Variants in KCNQ1 observed in about 807,000 individuals in gnomAD.
The protein encoded by KCNQ1 is potassium voltage-gated channel subfamily KQT member 1.
A neutral mutation model predicts 72.4 loss-of-function variants in KCNQ1; 49 were observed. That is an observed-to-expected ratio of 0.68 (90% confidence interval 0.54 to 0.86). The LOEUF is 0.86. KCNQ1 is among the 40% of genes least tolerant of loss of function. The probability of loss-of-function intolerance (pLI) is 0.00; values close to 1 mark genes in which losing one functional copy is unlikely to be tolerated. For missense variants in KCNQ1, 790 were observed against 945.1 expected (o/e 0.84, Z 2.15); for synonymous variants, 450 against 412.6 (o/e 1.09, Z -1.10).
chr11:2,663,141 G>GC lies in KCNQ1; in HGVS notation c.1514+1063dup, dbSNP rs1371854497. On this transcript the variant is annotated intron_variant, in intron 11 of 15. Transcript: ENST00000155840. The surrounding 1 kb of genome is among the most constrained non-coding windows in gnomAD (Gnocchi z 5.2). Reference sequence around the variant, plus strand: ...GGGTAATTATGATCAGACAGGACCTGCCCACTGTCTTTCCAGGCCCCCCCA... The same window carrying GC: ...GGGTAATTATGATCAGACAGGACCTGCCCCACTGTCTTTCCAGGCCCCCCCA... The GC allele has an allele frequency of 2.5e-6, 1 of 398,606 alleles. No individual in the cohort carries two copies. Among genetic ancestry groups the GC allele is most frequent in the Admixed American group, 4.4e-5 (1 of 22,718 alleles). 24.7% of individuals were successfully genotyped at this position (398,606 alleles called of 1,614,324 possible).
intron 1 of KCNQ1, among the ~76,000 whole-genome samples, chr11:2,452,949 C>T (rs140432099): frequency 1.9e-4 from 29 of 152,322 alleles, no homozygotes; most frequent in Non-Finnish European, 3.5e-4. Context: ...GATAGACTCC[C>T]AGTGGGTCAG....
At chr11:2,688,313 C>T (rs1850527092) in intron 11 of KCNQ1, 1 of 398,620 alleles carries the variant, frequency 2.5e-6, no homozygotes, top group African/African-American at 2.1e-5. Flanking sequence ...AAAATCTAAG[C>T]ACGTCACACA....
intron 12 of KCNQ1, 108 bp from the exon 13 acceptor site, chr11:2,775,852 C>T: frequency 9.4e-7 from 1 of 1,068,678 alleles, no homozygotes. Flanking sequence ...AGGCGAGCTC[C>T]CAGGTCTTCA....
At position 2,509,492 on chromosome 11, in the gene KCNQ1, G is replaced by A. The variant is rs1847159325; in HGVS notation, c.387-18436G>A. 6.6e-6 allele frequency among the ~76,000 whole-genome samples: 1 copy of A among 152,146 alleles called. No homozygotes were observed. Among genetic ancestry groups the A allele is most frequent in the Non-Finnish European group, 1.5e-5 (1 of 68,022 alleles). ...GTGTCCTAGGAGGAGTCTCTGTCCT[G>A]AGCAGAGACAGAGGAAGGCAGGGCA... On this transcript the variant is annotated intron_variant, in intron 1 of 15. Coordinates refer to ENST00000155840, the MANE Select transcript of KCNQ1 (RefSeq NM_000218.3). This position sits in a 1 kb window ranked among gnomAD's most constrained non-coding sequence, Gnocchi z 6.3.
chr11:2,769,540 C>A lies in KCNQ1; in HGVS notation c.1590+621C>A, dbSNP rs1365021551. 6.6e-6 allele frequency among the ~76,000 whole-genome samples: 1 copy of A among 152,224 alleles called. No individual in the cohort carries two copies. Among genetic ancestry groups the A allele is most frequent in the African/African-American group, 2.4e-5 (1 of 41,458 alleles). ...AGAAGCCCCTTAGAGCCCCCAGAGT[C>A]CATGCCCCGCAGAGAATGCCATTGA... On this transcript the variant is annotated intron_variant, in intron 12 of 15. Transcript: ENST00000155840. The surrounding 1 kb of genome is among the most constrained non-coding windows in gnomAD (Gnocchi z 4.6).
intron 15 of KCNQ1, among the ~76,000 whole-genome samples, chr11:2,845,830 G>A (rs756741901): frequency 5.3e-5 from 8 of 152,068 alleles, no homozygotes; most frequent in African/African-American, 1.9e-4. Context: ...ACAGACGCTC[G>A]GCCCCACTCA....
chr11:2,698,299 C>A lies in KCNQ1; in HGVS notation c.1514+36218C>A. 2.5e-6 allele frequency: 1 copy of A among 398,650 alleles called. No individual in the cohort carries two copies. The highest frequency in any genetic ancestry group is 4.4e-6 in the Non-Finnish European group (1 of 226,072). 24.7% of individuals were successfully genotyped at this position (398,650 alleles called of 1,614,324 possible). On this transcript the variant is annotated intron_variant, in intron 11 of 15. Transcript: ENST00000155840. The surrounding 1 kb of genome is among the most constrained non-coding windows in gnomAD (Gnocchi z 5.1). The stretch of plus-strand genomic sequence containing the variant: ...AACTATTCTACCTGGATGAATTATT[C>A]TCTTTCATAACCAGAACAGTGCTGT...
chr11:2,838,140 C>T (rs1421202535), intron 15 of KCNQ1, among the ~76,000 whole-genome samples: 1 of 152,228 alleles, frequency 6.6e-6, no homozygotes, highest in Non-Finnish European at 1.5e-5. Context: ...AGGGGACCTA[C>T]TTCTGAGAAG....
In KCNQ1 at chr11:2,473,733, C is replaced by T. The variant is rs1846526978; in HGVS notation, c.386+28249C>T. On this transcript the variant is annotated intron_variant, in intron 1 of 15. Coordinates refer to ENST00000155840, the MANE Select transcript of KCNQ1 (RefSeq NM_000218.3). The surrounding 1 kb of genome is among the most constrained non-coding windows in gnomAD (Gnocchi z 6.0). The stretch of plus-strand genomic sequence containing the variant: ...GAGCCAGGGCAGGTCCTGGAGATGG[C>T]AGCCTGCAGGTTGAAGCCCCCGACA... 6.6e-6 allele frequency among the ~76,000 whole-genome samples: 1 copy of T among 152,206 alleles called. No individual in the cohort carries two copies. The highest frequency in any genetic ancestry group is 3.2e-3 in the Middle Eastern group (1 of 316).
At chr11:2,629,485 C>G (rs940220979) in intron 10 of KCNQ1, 4 of 398,264 alleles carry the variant, frequency 1.0e-5, no homozygotes, top group African/African-American at 6.2e-5. Flanking sequence ...GGTCTGTGGT[C>G]CACTTTGAGT....
chr11:2,519,414 A>G (rs1847342352), intron 1 of KCNQ1, among the ~76,000 whole-genome samples: 1 of 152,230 alleles, frequency 6.6e-6, no homozygotes, highest in Non-Finnish European at 1.5e-5. Context: ...TGAGAGGATG[A>G]AAAGGAAACT....
intron 15 of KCNQ1, among the ~76,000 whole-genome samples, chr11:2,786,127 T>C (rs1190384026): frequency 6.6e-6 from 1 of 152,188 alleles, no homozygotes; most frequent in African/African-American, 2.4e-5. Context: ...ATTTAAATTT[T>C]CTTCAGTGAA....
Position 2,813,862 on chromosome 11 carries a change from G to A in KCNQ1, c.1795-33905G>A, listed in dbSNP as rs1053944385. Among the ~76,000 whole-genome samples the A allele has an allele frequency of 2.6e-5, 4 of 152,144 alleles. No homozygotes were observed. Among genetic ancestry groups the A allele is most frequent in the African/African-American group, 9.7e-5 (4 of 41,422 alleles). ...GTAGGTAGATGGACGGGGAGCTGCA[G>A]GGAGGGAGGGTTGCAGAAAGGGATG... On this transcript the variant is annotated intron_variant, in intron 15 of 15. Transcript: ENST00000155840. This position sits in a 1 kb window ranked among gnomAD's most constrained non-coding sequence, Gnocchi z 4.4.
chr11:2,791,928 A>G lies in KCNQ1; in HGVS notation c.1794+13891A>G, dbSNP rs535636329. Among the ~76,000 whole-genome samples, 5 of 152,256 alleles carry G rather than the reference A, an allele frequency of 3.3e-5. No homozygotes were observed. In the East Asian group the frequency reaches 9.7e-4, roughly 29 times the overall value. Reference sequence around the variant, plus strand: ...CCGTCCCTGCACGGAGCCGGTGTTTACTTTGCCGCGCGAACAGCCTTTCGT... The same window carrying G: ...CCGTCCCTGCACGGAGCCGGTGTTTGCTTTGCCGCGCGAACAGCCTTTCGT... On this transcript the variant is annotated intron_variant, in intron 15 of 15. Transcript: ENST00000155840.
rs1008801294 is a variant in KCNQ1, at chr11:2,830,878, G to A, written c.1795-16889G>A. On this transcript the variant is annotated intron_variant, in intron 15 of 15. Transcript: ENST00000155840. The surrounding 1 kb of genome is among the most constrained non-coding windows in gnomAD (Gnocchi z 7.7). ...TCTCTAGGCCTCAGCTTTCCTGTCAGGAAAATGCAGGGTTAGGAGCTGACC... is the reference window on the plus strand; with the variant it reads ...TCTCTAGGCCTCAGCTTTCCTGTCAAGAAAATGCAGGGTTAGGAGCTGACC... 2.0e-5 allele frequency among the ~76,000 whole-genome samples: 3 copies of A among 152,194 alleles called. No individual in the cohort carries two copies. Among genetic ancestry groups the A allele is most frequent in the Non-Finnish European group, 4.4e-5 (3 of 68,014 alleles).
Position 2,663,807 on chromosome 11 carries a change from G to T in KCNQ1, c.1514+1726G>T, listed in dbSNP as rs1850012878. ...TGCCCAGTAAATCACCACTATGGGGGTGAGGGCTGCCAGTGCTGGTATCAG... is the reference window on the plus strand; with the variant it reads ...TGCCCAGTAAATCACCACTATGGGGTTGAGGGCTGCCAGTGCTGGTATCAG... On this transcript the variant is annotated intron_variant, in intron 11 of 15. Transcript: ENST00000155840. The surrounding 1 kb of genome is among the most constrained non-coding windows in gnomAD (Gnocchi z 5.2). The T allele has an allele frequency of 2.0e-5, 8 of 398,706 alleles. No homozygotes were observed. The highest frequency in any genetic ancestry group is 1.4e-4 in the East Asian group (4 of 28,078). The allele number at this position is 398,706 out of a possible 1,614,324, so 24.7% of individuals were successfully genotyped here.
chr11:2,537,076 A>T lies in KCNQ1; in HGVS notation c.477+9058A>T, dbSNP rs578074569. 6.6e-6 allele frequency among the ~76,000 whole-genome samples: 1 copy of T among 151,974 alleles called. No individual in the cohort carries two copies. The highest frequency in any genetic ancestry group is 2.4e-5 in the African/African-American group (1 of 41,368). On this transcript the variant is annotated intron_variant, in intron 2 of 15. Coordinates refer to ENST00000155840, the MANE Select transcript of KCNQ1 (RefSeq NM_000218.3). The surrounding 1 kb of genome is among the most constrained non-coding windows in gnomAD (Gnocchi z 5.2). ...CTCCTAACTGATCATATCTGCAGGG[A>T]CCCCATTTCCAAACAAGGTCTTACT...
In KCNQ1 at chr11:2,679,915, G is replaced by T. The variant is rs571707236; in HGVS notation, c.1514+17834G>T. ...TTTTTTTATTTTTATTTTTTTTGAG[G>T]CAGAGTCTCACTTTGTCACCTAGGC... On this transcript the variant is annotated intron_variant, in intron 11 of 15. Transcript: ENST00000155840. This position sits in a 1 kb window ranked among gnomAD's most constrained non-coding sequence, Gnocchi z 4.8. 1.3e-5 allele frequency: 5 copies of T among 396,826 alleles called. No individual in the cohort carries two copies. In the Admixed American group the frequency reaches 2.2e-4, roughly 18 times the overall value. The allele number at this position is 396,826 out of a possible 1,614,324, so 24.6% of individuals were successfully genotyped here.
At chr11:2,786,788 A>G in intron 15 of KCNQ1, among the ~76,000 whole-genome samples, 1 of 151,942 alleles carries the variant, frequency 6.6e-6, no homozygotes, top group Middle Eastern at 3.2e-3. Flanking sequence ...CTTCCTCTTT[A>G]CTTGCCTGTT....
Sources: allele counts gnomAD v4.1 joint callset (sites outside exome capture counted in the v4.1 genomes callset), GRCh38; gene constraint gnomAD v4.1.1; non-coding constraint Gnocchi (gnomAD v3.1); transcripts MANE v1.5; gene names NCBI Gene and HGNC (gene_info 2026-07-23, HGNC 2026-07-21).